Variants in SLC26A8 observed in about 807,000 individuals in gnomAD.
SLC26A8 encodes solute carrier family 26 member 8.
A neutral mutation model predicts 105.0 loss-of-function variants in SLC26A8; 70 were observed. The observed-to-expected ratio is 0.67, with a 90% confidence interval of 0.55 to 0.81. The LOEUF is 0.81. SLC26A8 is among the 40% of genes least tolerant of loss of function. The pLI is 0.00. For missense variants in SLC26A8, 998 were observed against 1,181.8 expected (o/e 0.84, Z 2.28); for synonymous variants, 415 against 438.3 (o/e 0.95, Z 0.66).
chr6:35,997,614 C>CA, intron 5 of SLC26A8, 124 bp downstream of exon 5: 2 of 1,032,004 alleles, frequency 1.9e-6, no homozygotes, highest in Non-Finnish European at 2.7e-6. Flanking sequence ...TCTGATTTTT[C>CA]AAAAAATAAA....
chr6:36,022,287 A>C (rs80061165), intron 1 of SLC26A8, among the ~76,000 whole-genome samples: 3,036 of 152,306 alleles, frequency 0.02, 84 homozygotes, highest in African/African-American at 0.068. Flanking sequence ...CTTTCAGCAG[A>C]AGTAGTAATA....
chr6:36,009,550 T>C (rs1761791669), intron 3 of SLC26A8, among the ~76,000 whole-genome samples: 1 of 152,168 alleles, frequency 6.6e-6, no homozygotes, highest in Non-Finnish European at 1.5e-5. Flanking sequence ...TACAACAATC[T>C]GGATGAATCA....
Position 35,949,248 on chromosome 6 carries a change from A to G in SLC26A8, c.2472+1915T>C, listed in dbSNP as rs1324770216. On this transcript the variant is annotated intron_variant, in intron 19 of 19. Transcript: ENST00000490799. ...GGAGTTCAAGACCAGCCTGGCCTAC[A>G]TAGTGAAACCCTGTCTCTACTAAAA... Among the ~76,000 whole-genome samples the G allele has an allele frequency of 2.6e-5, 4 of 152,248 alleles. No individual in the cohort carries two copies. The East Asian group carries it at 7.7e-4, about 29-fold the overall frequency.
intron 19 of SLC26A8, among the ~76,000 whole-genome samples, chr6:35,950,504 C>G (rs1771831263): frequency 6.6e-6 from 1 of 151,922 alleles, no homozygotes; most frequent in Admixed American, 6.6e-5. Flanking sequence ...CTAGGATGGT[C>G]TCGAACTCCT....
At chr6:35,955,036 G>T in intron 17 of SLC26A8, 116 bp downstream of exon 17, 1 of 1,208,328 alleles carries the variant, frequency 8.3e-7, no homozygotes, top group Non-Finnish European at 1.2e-6. Flanking sequence ...GGCTCTGGTG[G>T]CCTAGCAGTC....
intron 7 of SLC26A8, among the ~76,000 whole-genome samples, chr6:35,986,775 C>A (rs562182775): frequency 6.6e-6 from 1 of 152,002 alleles, no homozygotes; most frequent in Admixed American, 6.6e-5. Flanking sequence ...GAATAGTATT[C>A]CATTGTATAT....
chr6:35,997,034 T>TA (rs560246592), intron 5 of SLC26A8, among the ~76,000 whole-genome samples: 423 of 139,636 alleles, frequency 3.0e-3, no homozygotes, highest in African/African-American at 4.9e-3. Context: ...AAACTCCATC[T>TA]AAAAAAAAAA....
At chr6:35,961,235 A>G (rs1370293780) in intron 12 of SLC26A8, 136 bp from the exon 13 acceptor site, 2 of 684,874 alleles carry the variant, frequency 2.9e-6, no homozygotes, top group African/African-American at 3.6e-5. Flanking sequence ...CCATAGCCAC[A>G]TGGACTGGTG....
In SLC26A8 at chr6:35,992,584, T is replaced by G. The variant is rs767912491; in HGVS notation, c.718A>C (p.Ile240Leu). 6.2e-7 allele frequency: 1 copy of G among 1,614,126 alleles called. No individual in the cohort carries two copies. The highest frequency in any genetic ancestry group is 1.1e-5 in the South Asian group (1 of 91,080). The change falls in exon 6 of 20, where the codon ATC becomes CTC. Residue 240 changes from isoleucine (I) to leucine (L), a missense_variant. Ile to Leu is a conservative substitution (Grantham distance 5). Coordinates refer to ENST00000490799, the MANE Select transcript of SLC26A8 (RefSeq NM_052961.4). ...SAYLAAVALHIMLSQLTFIFG... is the reference protein window; with the variant it reads ...SAYLAAVALHLMLSQLTFIFG... ...ATGAAAGTCAGCTGGGACAGCATGA[T>G]ATGAAGTGCCACAGCAGCCAGGTAA...
chr6:36,017,144 C>G, intron 2 of SLC26A8, among the ~76,000 whole-genome samples: 1 of 151,128 alleles, frequency 6.6e-6, no homozygotes, highest in East Asian at 1.9e-4. Context: ...GCATGGTAGC[C>G]TGGGTGACAG....
intron 17 of SLC26A8, among the ~76,000 whole-genome samples, chr6:35,953,200 G>A (rs938401470): frequency 6.6e-6 from 1 of 152,072 alleles, no homozygotes; most frequent in Non-Finnish European, 1.5e-5. Flanking sequence ...GAAAGTGAAA[G>A]GCGTCTGACA....
At chr6:35,970,773 C>A (rs1241510195) in intron 10 of SLC26A8, among the ~76,000 whole-genome samples, 1 of 152,116 alleles carries the variant, frequency 6.6e-6, no homozygotes, top group Non-Finnish European at 1.5e-5. Flanking sequence ...CACCTGTAAT[C>A]CCAGCACTTT....
chr6:35,989,687 T>G (rs892294237), intron 7 of SLC26A8: 3 of 152,154 alleles, frequency 2.0e-5, no homozygotes, highest in African/African-American at 7.2e-5. Flanking sequence ...GTAGGGACCT[T>G]AACATCGGAG....
At chr6:36,024,253 G>C (rs1762202739) in intron 1 of SLC26A8, 1 of 323,054 alleles carries the variant, frequency 3.1e-6, no homozygotes, top group Non-Finnish European at 6.1e-6. Context: ...AATTTGAAAG[G>C]ATGCAGCTTG....
chr6:35,985,668 AGGAGACAGAGCAAGACTCC>A (rs2127339783), intron 7 of SLC26A8, among the ~76,000 whole-genome samples: 1 of 137,828 alleles, frequency 7.3e-6, no homozygotes, highest in African/African-American at 2.7e-5. Flanking sequence ...ACTCCAGCCT[AGGAGACAGAGCAAGACTCC>A]GTCTCAAAAA....
chr6:35,979,690 CTTGA>C (rs1773193707), intron 8 of SLC26A8, among the ~76,000 whole-genome samples: 1 of 152,060 alleles, frequency 6.6e-6, no homozygotes. Flanking sequence ...ATTAGTAAAG[CTTGA>C]ATATTTAGTA....
At chr6:35,999,145 C>T (rs773074050) in intron 4 of SLC26A8, among the ~76,000 whole-genome samples, 4 of 152,174 alleles carry the variant, frequency 2.6e-5, no homozygotes, top group African/African-American at 7.2e-5. Flanking sequence ...CCACTTGCCT[C>T]GGCCTCCCAA....
chr6:35,955,571 G>A (rs376205937), intron 16 of SLC26A8, 51 bp from the exon 17 acceptor site: 106 of 1,585,796 alleles, frequency 6.7e-5, no homozygotes, highest in Non-Finnish European at 8.8e-5. Flanking sequence ...AACAAGGGCC[G>A]GAAGGACTTG....
intron 2 of SLC26A8, among the ~76,000 whole-genome samples, chr6:36,015,272 C>A (rs993639492): frequency 6.6e-6 from 1 of 152,056 alleles, no homozygotes; most frequent in Non-Finnish European, 1.5e-5. Context: ...GCCACCATGT[C>A]CAGCTAATTT....
Sources: gnomAD v4.1 joint callset for allele counts (sites outside exome capture counted in the v4.1 genomes callset) on GRCh38, gnomAD v4.1.1 for gene constraint, MANE v1.5 for transcripts, NCBI Gene and HGNC (gene_info 2026-07-23, HGNC 2026-07-21) for gene names.